Variants in CMYA5 observed in about 807,000 individuals in gnomAD.
The protein encoded by CMYA5 is cardiomyopathy associated 5.
A neutral mutation model predicts 318.9 loss-of-function variants in CMYA5; 246 were observed. That is an observed-to-expected ratio of 0.77 (90% CI 0.70 to 0.86). The LOEUF (loss-of-function observed/expected upper bound fraction) is 0.86, where lower values mean the gene tolerates loss of function less well. CMYA5 is among the 40% of genes least tolerant of loss of function. The pLI is 0.00. For synonymous variants in CMYA5, 1,641 were observed against 1,729.5 expected, an observed-to-expected ratio of 0.95 and a Z score of 1.27; for missense variants, 4,589 against 4,678.2, an observed-to-expected ratio of 0.98 and a Z score of 0.56.
chr5:79,736,541 A>C lies in CMYA5; in HGVS notation c.7776A>C (p.Thr2592=), dbSNP rs1358445063. 2 of 1,613,554 alleles carry C rather than the reference A, an allele frequency of 1.2e-6. No homozygotes were observed. Among genetic ancestry groups the C allele is most frequent in the African/African-American group, 2.7e-5 (2 of 74,904 alleles). The change falls in exon 2 of 13, where the codon ACA becomes ACC. Residue 2592 remains threonine, a synonymous_variant. Coordinates refer to ENST00000446378, the MANE Select transcript of CMYA5 (RefSeq NM_153610.5). ...AATCATTTTCATTAGTTAAAGCTACATCAGTTACTGAAAAATCAGAAGCCA... is the reference window on the plus strand; with the variant it reads ...AATCATTTTCATTAGTTAAAGCTACCTCAGTTACTGAAAAATCAGAAGCCA... ...ETQSFSLVKA[T]SVTEKSEAML... is the part of the protein sequence containing the mutation.
rs758931252 is a variant in CMYA5, at chr5:79,732,642, C to G, written c.3877C>G (p.Pro1293Ala). ...SPLKETSLSGPEALSAVKMEM... is the reference protein window; with the variant it reads ...SPLKETSLSGAEALSAVKMEM... ...TCTAAAGGAAACATCTTTATCTGGA[C>G]CTGAGGCTTTATCAGCAGTGAAAAT... Residue 1293 changes from proline (P) to alanine (A), a missense_variant, in exon 2 of 13, where the codon CCT becomes GCT. Physicochemically the swap from Pro to Ala is conservative, Grantham distance 27. Transcript: ENST00000446378. 1.2e-6 allele frequency: 2 copies of G among 1,613,468 alleles called. No individual in the cohort carries two copies. Among genetic ancestry groups the G allele is most frequent in the Admixed American group, 3.3e-5 (2 of 59,894 alleles).
chr5:79,717,017 A>G (rs531988417), intron 1 of CMYA5, among the ~76,000 whole-genome samples: 7 of 152,188 alleles, frequency 4.6e-5, no homozygotes, highest in Non-Finnish European at 1.0e-4. Flanking sequence ...AGCTCATTAC[A>G]TACTTGTTGA....
intron 9 of CMYA5, among the ~76,000 whole-genome samples, chr5:79,787,994 T>A (rs1829109837): frequency 6.6e-6 from 1 of 151,934 alleles, no homozygotes; most frequent in South Asian, 2.1e-4. Flanking sequence ...TTTTGTGGTA[T>A]ATTCATCAAT....
chr5:79,736,134 A>T lies in CMYA5; in HGVS notation c.7369A>T (p.Lys2457Ter), dbSNP rs1828059512. Residue 2457 changes from lysine (K) to a stop codon, truncating the protein, a stop_gained, in exon 2 of 13, where the codon AAA (lysine) becomes TAA (stop). Transcript: ENST00000446378. LOFTEE classifies it high-confidence loss of function. ...KLRSVSPTEKKDNLENRSYTL... is the reference protein window; with the variant it reads ...KLRSVSPTEK ...CAGGTCTGTTAGTCCAACTGAGAAG[A>T]AAGATAATTTGGAAAACAGATCATA... 6.2e-7 allele frequency: 1 copy of T among 1,613,646 alleles called. No homozygotes were observed. The highest frequency in any genetic ancestry group is 8.5e-7 in the Non-Finnish European group (1 of 1,179,780).
intron 1 of CMYA5, among the ~76,000 whole-genome samples, chr5:79,697,080 T>C (rs1464584476): frequency 2.0e-5 from 3 of 152,208 alleles, no homozygotes; most frequent in Non-Finnish European, 4.4e-5. Flanking sequence ...GGGCCTACTG[T>C]GTGCCACGCA....
rs1829330484 is a variant in CMYA5, at chr5:79,799,403, T to C, written c.11997T>C (p.Asp3999=). The stretch of plus-strand genomic sequence containing the variant: ...TTTTCTACAGTGGTATTGTGAGTGA[T>C]GTTCATGTGACTGAGCGTCCAGCCA... The part of the protein sequence containing the change: ...YTFFYSGIVS[D]VHVTERPARV... The change falls in exon 13 of 13, where the codon GAT becomes GAC. Residue 3999 remains aspartate, a synonymous_variant. Coordinates refer to ENST00000446378, the MANE Select transcript of CMYA5 (RefSeq NM_153610.5). 3.7e-6 allele frequency: 6 copies of C among 1,613,158 alleles called. No individual in the cohort carries two copies. Among genetic ancestry groups the C allele is most frequent in the Non-Finnish European group, 5.1e-6 (6 of 1,179,146 alleles).
At chr5:79,759,015 TACAAAACAACA>T (rs1395112728) in intron 7 of CMYA5, 113 bp downstream of exon 7, 1 of 927,212 alleles carries the variant, frequency 1.1e-6, no homozygotes, top group Non-Finnish European at 1.5e-6. Context: ...TATAGCCATT[TACAAAACAACA>T]ACAAAACCCC....
chr5:79,791,450 G>A (rs1004801902), intron 11 of CMYA5, among the ~76,000 whole-genome samples: 2 of 152,126 alleles, frequency 1.3e-5, no homozygotes, highest in African/African-American at 4.8e-5. Context: ...GCTGGGCACA[G>A]TGGCTCACTC....
chr5:79,738,935 T>C lies in CMYA5; in HGVS notation c.10170T>C (p.His3390=), dbSNP rs779100656. The C allele has an allele frequency of 2.9e-5, 46 of 1,613,824 alleles. No individual in the cohort carries two copies. The highest frequency in any genetic ancestry group is 4.0e-5 in the African/African-American group (3 of 74,918). Residue 3390 remains histidine, a synonymous_variant, in exon 2 of 13, where the codon CAT becomes CAC. Transcript: ENST00000446378. ...AAGAATTTGCATCTGGTGCAACTCA[T>C]GTTCAAGAAACATCACTAGAAGAAC... ...PEEEFASGAT[H]VQETSLEEPK...
chr5:79,733,331 G>C lies in CMYA5; in HGVS notation c.4566G>C (p.Val1522=). The part of the protein sequence containing the change: ...QKKSLMSTSE[V]LEPEHELPLS... ...AGAGCTTGATGTCTACCTCAGAGGT[G>C]TTAGAGCCTGAACATGAGCTTCCAC... The change falls in exon 2 of 13, where the codon GTG becomes GTC. Residue 1522 remains valine (V), a synonymous_variant. Coordinates refer to ENST00000446378, the MANE Select transcript of CMYA5 (RefSeq NM_153610.5). The C allele has an allele frequency of 6.2e-7, 1 of 1,613,618 alleles. No individual in the cohort carries two copies.
rs773199290 is a variant in CMYA5, at chr5:79,788,996, C to T, written c.11581C>T (p.Gln3861Ter). 1.2e-6 allele frequency: 2 copies of T among 1,613,646 alleles called. No homozygotes were observed. The part of the protein sequence containing the change: ...LRSFSGIKGL[Q>*]LKVNLQPNDN... ...ATCTTTCTCTGGAATCAAAGGACTCCAGCTGAAAGTTAACCTCCAACCCAA... is the reference window on the plus strand; with the variant it reads ...ATCTTTCTCTGGAATCAAAGGACTCTAGCTGAAAGTTAACCTCCAACCCAA... Residue 3861 changes from glutamine to a stop codon, truncating the protein, a stop_gained, in exon 10 of 13, where the codon CAG becomes TAG. Transcript: ENST00000446378. LOFTEE classifies it high-confidence loss of function.
At chr5:79,710,678 A>T (rs1311930715) in intron 1 of CMYA5, among the ~76,000 whole-genome samples, 1 of 152,050 alleles carries the variant, frequency 6.6e-6, no homozygotes, top group African/African-American at 2.4e-5. Flanking sequence ...CCTACAGTGA[A>T]ATTTATATTT....
At chr5:79,778,840 T>TGTGTGTGTGTGTG (rs1453105123) in intron 9 of CMYA5, among the ~76,000 whole-genome samples, 15 of 122,070 alleles carry the variant, frequency 1.2e-4, no homozygotes, top group Middle Eastern at 3.7e-3. Context: ...TGTGTGTATG[T>TGTGTGTGTGTGTG]TTATTCACTC....
In CMYA5 at chr5:79,731,551, C is replaced by T. The variant is rs750265628; in HGVS notation, c.2786C>T (p.Ser929Phe). Reference sequence around the variant, plus strand: ...AGATCTCTAAATCTAAAAGGTGCATCCTCACCCATGAATTTATCAGAAGAA... The same window carrying T: ...AGATCTCTAAATCTAAAAGGTGCATTCTCACCCATGAATTTATCAGAAGAA... The part of the protein sequence containing the change: ...VHRSLNLKGA[S>F]SPMNLSEEDQ... The change falls in exon 2 of 13, where the codon TCC (serine) becomes TTC (phenylalanine). Residue 929 changes from serine (S) to phenylalanine (F), a missense_variant. Ser to Phe is a radical substitution (Grantham distance 155, BLOSUM62 -2). This residue lies in a region of CMYA5 where 2,132 missense variants were observed against 2,131.3 expected (regional missense o/e 1.00). Transcript: ENST00000446378. The T allele has an allele frequency of 1.2e-6, 2 of 1,608,066 alleles. No individual in the cohort carries two copies. Among genetic ancestry groups the T allele is most frequent in the Non-Finnish European group, 1.7e-6 (2 of 1,177,174 alleles).
chr5:79,772,810 T>A (rs1421953464), intron 9 of CMYA5, among the ~76,000 whole-genome samples: 2 of 152,240 alleles, frequency 1.3e-5, no homozygotes, highest in Non-Finnish European at 2.9e-5. Context: ...TTTGACCATC[T>A]GGTTTTCACA....
At chr5:79,759,788 T>A (rs1447234161) in intron 7 of CMYA5, among the ~76,000 whole-genome samples, 1 of 152,182 alleles carries the variant, frequency 6.6e-6, no homozygotes, top group East Asian at 1.9e-4. Flanking sequence ...TACTAATATT[T>A]AAGTCTTTTG....
chr5:79,788,925 G>A (rs376444810), intron 9 of CMYA5, 46 bp from the exon 10 acceptor site: 12 of 1,562,432 alleles, frequency 7.7e-6, no homozygotes, highest in South Asian at 2.3e-5. Context: ...GAATCATTTA[G>A]CATGTGGCAT....
intron 9 of CMYA5, among the ~76,000 whole-genome samples, chr5:79,784,559 C>G (rs1361457900): frequency 1.1e-5 from 1 of 92,254 alleles, no homozygotes; most frequent in South Asian, 4.3e-4. Flanking sequence ...GCTGTGCTAG[C>G]AATCAGCGAG....
At chr5:79,719,264 A>C (rs1045606900) in intron 1 of CMYA5, among the ~76,000 whole-genome samples, 4 of 152,166 alleles carry the variant, frequency 2.6e-5, no homozygotes, top group African/African-American at 9.7e-5. Context: ...TTTTTCACTT[A>C]TAAAATGAGA....
Sources: gnomAD v4.1 joint callset for allele counts (sites outside exome capture counted in the v4.1 genomes callset) on GRCh38, gnomAD v4.1.1 for gene constraint, gnomAD v4.1.1 regional missense constraint, MANE v1.5 for transcripts, NCBI Gene and HGNC (gene_info 2026-07-23, HGNC 2026-07-21) for gene names.